Variants in PHACTR2 observed in about 807,000 individuals in gnomAD.
PHACTR2 encodes the protein chromosome 6 open reading frame 56.
In PHACTR2, 30 loss-of-function variants were observed where a neutral mutation model predicts 76.0. The ratio of observed to expected loss-of-function variants is 0.39; its 90% CI spans 0.30 to 0.54. PHACTR2 has a LOEUF of 0.54. Among genes scored for constraint, PHACTR2 ranks in the 20% least tolerant of loss-of-function variants. The pLI, the probability that PHACTR2 is intolerant of heterozygous loss-of-function variation, is 0.61. For missense variants in PHACTR2, 696 were observed against 781.1 expected (o/e 0.89, Z 1.30); for synonymous variants, 292 against 292.5 (o/e 1.00, Z 0.02).
At chr6:143,661,592 C>G (rs1167155928) in intron 1 of PHACTR2, among the ~76,000 whole-genome samples, 1 of 145,950 alleles carries the variant, frequency 6.9e-6, no homozygotes, top group Non-Finnish European at 1.5e-5. Context: ...GAGGCAGTCT[C>G]GCTCTGTCAC....
Position 143,825,117 on chromosome 6 carries a change from C to G in PHACTR2, c.*1428C>G, listed in dbSNP as rs1776506842. 1 of 152,606 alleles carries G rather than the reference C, an allele frequency of 6.6e-6. No individual in the cohort carries two copies. The highest frequency in any genetic ancestry group is 2.4e-5 in the African/African-American group (1 of 41,448). 9.5% of individuals were successfully genotyped at this position (152,606 alleles called of 1,614,324 possible). ...TACCACCTTGCATTTCATTGTTCTT[C>G]ACAAGTGCTTTGTGCCCCTTTAATT... On this transcript the variant is annotated 3_prime_UTR_variant, in exon 13 of 13. Transcript: ENST00000440869. The surrounding 1 kb of genome is among the most constrained non-coding windows in gnomAD (Gnocchi z 4.1).
chr6:143,652,385 C>T lies in PHACTR2; in HGVS notation c.13+44063C>T, dbSNP rs1562259939. On this transcript the variant is annotated intron_variant, in intron 1 of 11. Coordinates refer to the PHACTR2 transcript ENST00000305766. This position sits in a 1 kb window ranked among gnomAD's most constrained non-coding sequence, Gnocchi z 4.5. ...TGCATCAGCTAGACAAAGGTACCTG[C>T]GCTGCTGTTTGTTTGTTTGTTTGTT... Among the ~76,000 whole-genome samples, 1 of 149,754 alleles carries T rather than the reference C, an allele frequency of 6.7e-6. No homozygotes were observed. The highest frequency in any genetic ancestry group is 6.6e-5 in the Admixed American group (1 of 15,062).
chr6:143,555,091 T>G (rs1452032138), intron 1 of PHACTR2: 2 of 152,226 alleles, frequency 1.3e-5, no homozygotes, highest in African/African-American at 2.4e-5. Flanking sequence ...ATGCTGTAGA[T>G]GTCTGTATTT....
chr6:143,685,865 C>T (rs1373053098), intron 1 of PHACTR2, among the ~76,000 whole-genome samples: 2 of 152,100 alleles, frequency 1.3e-5, no homozygotes, highest in Non-Finnish European at 2.9e-5. Context: ...GGCGTGGTGG[C>T]TCACACCTGT....
chr6:143,746,327 T>C (rs1433492949), intron 2 of PHACTR2, among the ~76,000 whole-genome samples: 1 of 152,192 alleles, frequency 6.6e-6, no homozygotes, highest in East Asian at 1.9e-4. Flanking sequence ...GCAGCCATTT[T>C]GTGTTTTGGG....
In PHACTR2 at chr6:143,617,659, T is replaced by A. The variant is rs1311193563; in HGVS notation, c.13+9337T>A. Among the ~76,000 whole-genome samples the A allele has an allele frequency of 2.0e-5, 3 of 152,174 alleles. No homozygotes were observed. The highest frequency in any genetic ancestry group is 2.9e-5 in the Non-Finnish European group (2 of 68,042). ...TCCTCCCTCCAGTCTAGCAGGCCAG[T>A]CTAGCTGAGATTTTGTGCTTGGGAA... is the stretch of plus-strand genomic sequence containing the variant. On this transcript the variant is annotated intron_variant, in intron 1 of 11. Transcript: ENST00000305766. The surrounding 1 kb of genome is among the most constrained non-coding windows in gnomAD (Gnocchi z 4.8).
chr6:143,759,328 C>T (rs750460776), intron 4 of PHACTR2, among the ~76,000 whole-genome samples: 9 of 152,126 alleles, frequency 5.9e-5, no homozygotes, highest in African/African-American at 1.9e-4. Context: ...TTCTTCGATT[C>T]GGCACCATCT....
rs1213293459 is a variant in PHACTR2 at position 143,581,611 on chromosome 6, C to T, written c.217+44404C>T. On this transcript the variant is annotated intron_variant, in intron 1 of 11. Coordinates refer to the PHACTR2 transcript ENST00000367584. The surrounding 1 kb of genome is among the most constrained non-coding windows in gnomAD (Gnocchi z 4.5). ...ATTGCTGCATGACAAATACGGATCA[C>T]TCAAGTCCAGGAGTTTGAGACCAGG... Among the ~76,000 whole-genome samples the T allele has an allele frequency of 6.6e-6, 1 of 152,170 alleles. No individual in the cohort carries two copies. Among genetic ancestry groups the T allele is most frequent in the Non-Finnish European group, 1.5e-5 (1 of 68,026 alleles).
chr6:143,645,318 A>G (rs1266159982), intron 1 of PHACTR2, among the ~76,000 whole-genome samples: 1 of 152,002 alleles, frequency 6.6e-6, no homozygotes, highest in Non-Finnish European at 1.5e-5. Flanking sequence ...GAATATATAT[A>G]GATGATGGAA....
At chr6:143,707,019 G>A (rs1288981522) in intron 1 of PHACTR2, among the ~76,000 whole-genome samples, 4 of 152,140 alleles carry the variant, frequency 2.6e-5, no homozygotes, top group African/African-American at 9.7e-5. Context: ...AGGTAATAAA[G>A]TTAAATCTTC....
chr6:143,793,530 A>C lies in PHACTR2; in HGVS notation c.1845+4620A>C, dbSNP rs1775759621. On this transcript the variant is annotated intron_variant, in intron 11 of 12. Coordinates refer to ENST00000440869, the MANE Select transcript of PHACTR2 (RefSeq NM_001100164.2). This position sits in a 1 kb window ranked among gnomAD's most constrained non-coding sequence, Gnocchi z 4.4. ...TCCTGAGGCTTTTTAAAGTCTAAAA[A>C]GCAGCATTTTTAGAAGTGGATTTTT... 6.6e-6 allele frequency among the ~76,000 whole-genome samples: 1 copy of C among 152,158 alleles called. No homozygotes were observed. The highest frequency in any genetic ancestry group is 2.4e-5 in the African/African-American group (1 of 41,430).
intron 2 of PHACTR2, among the ~76,000 whole-genome samples, chr6:143,729,103 A>G (rs1485594819): frequency 6.6e-6 from 1 of 152,148 alleles, no homozygotes; most frequent in African/African-American, 2.4e-5. Flanking sequence ...CCAACAATGA[A>G]CTTCTTTTCA....
At chr6:143,667,369 T>G (rs191336111) in intron 1 of PHACTR2, among the ~76,000 whole-genome samples, 1 of 152,356 alleles carries the variant, frequency 6.6e-6, no homozygotes, top group African/African-American at 2.4e-5. Context: ...AAGTTCTTTT[T>G]TGGTTCTATA....
intron 1 of PHACTR2, among the ~76,000 whole-genome samples, chr6:143,670,385 G>T (rs915467646): frequency 6.6e-6 from 1 of 152,122 alleles, no homozygotes; most frequent in Non-Finnish European, 1.5e-5. Context: ...TTGAATGTTG[G>T]CGTGTCTTGT....
rs573479309 is a variant in PHACTR2, at chr6:143,807,806, C to T, written c.1922+673C>T. Among the ~76,000 whole-genome samples, 60 of 152,282 alleles carry T rather than the reference C, an allele frequency of 3.9e-4. No homozygotes were observed. The highest frequency in any genetic ancestry group is 1.4e-3 in the African/African-American group (59 of 41,558). ...CGGTTTCTTTCACAGGTTACCTAAC[C>T]CGGTAACAAATATTGATCCCCTAAG... On this transcript the variant is annotated intron_variant, in intron 12 of 12. Coordinates refer to ENST00000440869, the MANE Select transcript of PHACTR2 (RefSeq NM_001100164.2). This position sits in a 1 kb window ranked among gnomAD's most constrained non-coding sequence, Gnocchi z 5.5.
At position 143,611,884 on chromosome 6, in the gene PHACTR2, C is replaced by A. The variant is rs556103023; in HGVS notation, c.13+3562C>A. 3.3e-5 allele frequency among the ~76,000 whole-genome samples: 5 copies of A among 152,256 alleles called. No homozygotes were observed. The East Asian group carries it at 5.8e-4, about 18-fold the overall frequency. ...GTTGGGGGATGCATTGGATATGCATCAGCAGAGCACGACGAGTGGATATGG... is the reference window on the plus strand; with the variant it reads ...GTTGGGGGATGCATTGGATATGCATAAGCAGAGCACGACGAGTGGATATGG... On this transcript the variant is annotated intron_variant, in intron 1 of 11. Transcript: ENST00000305766. This position sits in a 1 kb window ranked among gnomAD's most constrained non-coding sequence, Gnocchi z 4.4.
intron 11 of PHACTR2, among the ~76,000 whole-genome samples, chr6:143,804,334 CT>C (rs1045752967): frequency 6.6e-6 from 1 of 151,992 alleles, no homozygotes; most frequent in African/African-American, 2.4e-5. Flanking sequence ...AGAGTAGTCA[CT>C]TTTTTTTACA....
At position 143,751,791 on chromosome 6, in the gene PHACTR2, TACAC is replaced by T. The variant is rs71024875; in HGVS notation, c.296-1932_296-1929del. ...TCCTTTGCTCTGCTTGTATTTTACT[TACAC>T]ACACACACACACACACACACACACA... is the stretch of plus-strand genomic sequence containing the variant. On this transcript the variant is annotated intron_variant, in intron 3 of 12. Transcript: ENST00000440869. The surrounding 1 kb of genome is among the most constrained non-coding windows in gnomAD (Gnocchi z 5.7). Among the ~76,000 whole-genome samples, 326 of 140,358 alleles carry T rather than the reference TACAC, an allele frequency of 2.3e-3. 1 individual carries two copies. Among genetic ancestry groups the T allele is most frequent in the East Asian group, 0.011 (53 of 4,654 alleles). The allele number at this position is 140,358 out of a possible 152,430, so 92.1% of individuals were successfully genotyped here. A position where few individuals can be genotyped will look rare whatever the true frequency, so the allele number is the denominator to read the frequency against.
intron 1 of PHACTR2, among the ~76,000 whole-genome samples, chr6:143,566,993 C>G (rs141972392): frequency 2.0e-4 from 30 of 152,136 alleles, no homozygotes; most frequent in Non-Finnish European, 3.5e-4. Context: ...TCAGAATTTC[C>G]TTTTGAAGCG....
Sources: gnomAD v4.1 joint callset for allele counts (sites outside exome capture counted in the v4.1 genomes callset) on GRCh38, gnomAD v4.1.1 for gene constraint, Gnocchi (gnomAD v3.1) non-coding constraint, MANE v1.5 for transcripts, NCBI Gene and HGNC (gene_info 2026-07-23, HGNC 2026-07-21) for gene names.